Variants in NINL observed in about 807,000 individuals in gnomAD.
NINL encodes the protein ninein-like protein.
NINL carries 153 observed loss-of-function variants against 160.3 expected under a neutral mutation model. The observed-to-expected ratio is 0.95, with a 90% CI of 0.84 to 1.09. The LOEUF (loss-of-function observed/expected upper bound fraction) is 1.09, where lower values mean the gene tolerates loss of function less well. Among genes scored for constraint, NINL ranks in the 50% least tolerant of loss-of-function variants. NINL has a pLI of 0.00. For synonymous variants in NINL, 800 were observed against 734.8 expected, an observed-to-expected ratio of 1.09 and a Z score of -1.43; for missense variants, 1,829 against 1,764.0, an observed-to-expected ratio of 1.04 and a Z score of -0.66.
Position 25,491,424 on chromosome 20 carries a change from G to C in NINL, c.1412C>G (p.Ala471Gly), listed in dbSNP as rs767619759. ...CAGGCGCCCCACGTCCCACTCCAGC[G>C]CGGCCCTCTGCCTGTGGGCCTGCTC... ...FWEQAHRQRA[A>G]LEWDVGRLQA... Residue 471 changes from alanine to glycine, a missense_variant, in exon 11 of 24, where the codon GCG becomes GGG. Coordinates refer to ENST00000278886, the MANE Select transcript of NINL (RefSeq NM_025176.6). The C allele has an allele frequency of 8.7e-6, 14 of 1,613,548 alleles. No individual in the cohort carries two copies. In the South Asian group the frequency reaches 1.5e-4, roughly 18 times the overall value.
intron 1 of NINL, among the ~76,000 whole-genome samples, chr20:25,584,484 C>G (rs1439410228): frequency 6.6e-6 from 1 of 151,922 alleles, no homozygotes. Flanking sequence ...ACAACAAGAA[C>G]AACAACAAGA....
At chr20:25,475,913 A>AG in intron 17 of NINL, 130 bp downstream of exon 17, 2 of 915,970 alleles carry the variant, frequency 2.2e-6, no homozygotes, top group Non-Finnish European at 3.3e-6. Flanking sequence ...AGGGCTACAC[A>AG]GCCCCCATCA....
chr20:25,576,044 G>C (rs1199942896), intron 1 of NINL, among the ~76,000 whole-genome samples: 28 of 152,160 alleles, frequency 1.8e-4, no homozygotes, highest in Admixed American at 1.8e-3. Context: ...AGGGAAATTT[G>C]ACATTTATAC....
chr20:25,570,719 G>C (rs1166044973), intron 1 of NINL, among the ~76,000 whole-genome samples: 1 of 13,114 alleles, frequency 7.6e-5, no homozygotes, highest in South Asian at 2.8e-3. Context: ...TTTTTTTTTT[G>C]AGAAGGAGTT....
At chr20:25,583,840 G>A (rs2147219613) in intron 1 of NINL, among the ~76,000 whole-genome samples, 2 of 152,244 alleles carry the variant, frequency 1.3e-5, no homozygotes, top group African/African-American at 4.8e-5. Context: ...TGCATAAAGT[G>A]GGAAGCCATC....
intron 1 of NINL, among the ~76,000 whole-genome samples, chr20:25,582,976 T>C (rs2065190266): frequency 6.6e-6 from 1 of 152,064 alleles, no homozygotes; most frequent in Admixed American, 6.6e-5. Flanking sequence ...TATGCAAAAA[T>C]TAACTCAAGA....
In NINL at chr20:25,476,438, C is replaced by T. The variant is rs745519840; in HGVS notation, c.2853G>A (p.Ser951=). 9 of 1,608,810 alleles carry T rather than the reference C, an allele frequency of 5.6e-6. No homozygotes were observed. Among genetic ancestry groups the T allele is most frequent in the African/African-American group, 2.7e-5 (2 of 74,930 alleles). ...GCTCCCACATCCGTGGCTGGGTTTGCGAGGCGTCTCTCTCTGTTCCCAGCA... is the reference window on the plus strand; with the variant it reads ...GCTCCCACATCCGTGGCTGGGTTTGTGAGGCGTCTCTCTCTGTTCCCAGCA... The part of the protein sequence containing the change: ...LPLLGTERDA[S]QTQPRMWEPP... Residue 951 remains serine (S), a synonymous_variant, in exon 17 of 24, where the codon TCG becomes TCA. Transcript: ENST00000278886.
At chr20:25,553,293 C>T (rs1164594421) in intron 1 of NINL, among the ~76,000 whole-genome samples, 1 of 151,668 alleles carries the variant, frequency 6.6e-6, no homozygotes, top group Non-Finnish European at 1.5e-5. Context: ...TGGCTTCAGA[C>T]ATACTGTTAC....
chr20:25,470,142 T>C, intron 17 of NINL, 47 bp from the exon 18 acceptor site: 3 of 1,485,008 alleles, frequency 2.0e-6, no homozygotes, highest in South Asian at 2.3e-5. Flanking sequence ...GGGAGCCACA[T>C]GTGGTCACGG....
intron 1 of NINL, among the ~76,000 whole-genome samples, chr20:25,556,275 C>T (rs369204493): frequency 6.6e-6 from 1 of 152,000 alleles, no homozygotes; most frequent in South Asian, 2.1e-4. Context: ...CAGAGCAAGA[C>T]CCTGTCTCAA....
chr20:25,512,813 T>A, intron 4 of NINL, 21 bp downstream of exon 4: 1 of 1,587,226 alleles, frequency 6.3e-7, no homozygotes, highest in African/African-American at 1.3e-5. Context: ...GCAGCTGGGG[T>A]GGGAGAGGGG....
intron 5 of NINL, among the ~76,000 whole-genome samples, chr20:25,510,326 G>A (rs1308814632): frequency 1.3e-5 from 2 of 152,208 alleles, no homozygotes; most frequent in Non-Finnish European, 2.9e-5. Flanking sequence ...GAGGTGACAG[G>A]GCCAAGCAAG....
chr20:25,519,775 G>A (rs1239422663), intron 2 of NINL, among the ~76,000 whole-genome samples: 5 of 151,966 alleles, frequency 3.3e-5, no homozygotes, highest in African/African-American at 1.2e-4. Flanking sequence ...CCAGCACTTC[G>A]GGAGGCAGAG....
At chr20:25,491,227 G>T in intron 11 of NINL, 124 bp downstream of exon 11, 2 of 1,225,720 alleles carry the variant, frequency 1.6e-6, no homozygotes, top group African/African-American at 1.5e-5. Context: ...CTCGGGCCCT[G>T]CCCTGAAACA....
chr20:25,527,927 G>A (rs2064387718), intron 1 of NINL, among the ~76,000 whole-genome samples: 1 of 152,106 alleles, frequency 6.6e-6, no homozygotes, highest in Admixed American at 6.6e-5. Context: ...TTTATATAAG[G>A]ACAGGAAAGA....
intron 1 of NINL, among the ~76,000 whole-genome samples, chr20:25,554,041 A>C (rs2064834989): frequency 6.6e-6 from 1 of 152,212 alleles, no homozygotes; most frequent in African/African-American, 2.4e-5. Context: ...GGGCAGAAGG[A>C]CCAGGCCTTC....
chr20:25,457,870 C>T (rs530421537), intron 22 of NINL, among the ~76,000 whole-genome samples: 49 of 152,332 alleles, frequency 3.2e-4, no homozygotes, highest in African/African-American at 1.1e-3. Flanking sequence ...GACACTACTG[C>T]TAGCAGGACT....
chr20:25,570,644 CTT>C (rs370242636), intron 1 of NINL, among the ~76,000 whole-genome samples: 12 of 126,630 alleles, frequency 9.5e-5, no homozygotes, highest in Non-Finnish European at 1.4e-4. Context: ...AATACAGATA[CTT>C]TTTTTTTTTT....
chr20:25,482,618 T>G (rs1601095873), intron 13 of NINL, among the ~76,000 whole-genome samples: 3 of 152,028 alleles, frequency 2.0e-5, no homozygotes, highest in Admixed American at 2.0e-4. Context: ...CCCAAAGTGC[T>G]GGGGTTACAG....
Sources: gnomAD v4.1 joint callset for allele counts (sites outside exome capture counted in the v4.1 genomes callset) on GRCh38, gnomAD v4.1.1 for gene constraint, MANE v1.5 for transcripts, NCBI Gene and HGNC (gene_info 2026-07-23, HGNC 2026-07-21) for gene names.